Variants in TEX14 observed in about 807,000 individuals in gnomAD.
TEX14 encodes the protein testis expressed 14, intercellular bridge forming factor.
A neutral mutation model predicts 178.6 loss-of-function variants in TEX14; 168 were observed. The observed-to-expected ratio is 0.94, with a 90% confidence interval of 0.83 to 1.07. The LOEUF (loss-of-function observed/expected upper bound fraction) is 1.07, where lower values mean the gene tolerates loss of function less well. Ranked by LOEUF, TEX14 falls within the 50% of genes least tolerant of loss-of-function variation. The probability of loss-of-function intolerance (pLI) is 0.00; values close to 1 mark genes in which losing one functional copy is unlikely to be tolerated. For missense variants in TEX14, 1,730 were observed against 1,753.6 expected (o/e 0.99, Z 0.24); for synonymous variants, 626 against 634.1 (o/e 0.99, Z 0.19).
intron 10 of TEX14, among the ~76,000 whole-genome samples, chr17:58,610,567 G>A (rs1204273499): frequency 6.6e-6 from 1 of 152,196 alleles, no homozygotes; most frequent in Non-Finnish European, 1.5e-5. Flanking sequence ...CAATGTGAGC[G>A]AGAAATACAC....
intron 1 of TEX14, among the ~76,000 whole-genome samples, chr17:58,654,937 C>T (rs2082070740): frequency 6.6e-6 from 1 of 152,134 alleles, no homozygotes; most frequent in Non-Finnish European, 1.5e-5. Context: ...AGGCGTGAGT[C>T]ACCGCGCCTG....
At chr17:58,691,444 G>A (rs1159611324) in intron 1 of TEX14, among the ~76,000 whole-genome samples, 1 of 151,748 alleles carries the variant, frequency 6.6e-6, no homozygotes, top group Non-Finnish European at 1.5e-5. Flanking sequence ...CGAGGCAGGC[G>A]GATCACGAGG....
chr17:58,605,802 C>T (rs1011285576), intron 10 of TEX14, among the ~76,000 whole-genome samples: 7 of 152,142 alleles, frequency 4.6e-5, no homozygotes, highest in Non-Finnish European at 1.0e-4. Flanking sequence ...CTAAAGTAGT[C>T]CTGTTTTATT....
intron 1 of TEX14, among the ~76,000 whole-genome samples, chr17:58,672,552 G>C (rs1054160899): frequency 2.0e-5 from 3 of 152,158 alleles, no homozygotes; most frequent in African/African-American, 7.2e-5. Flanking sequence ...TCTTGCCTCA[G>C]CCTCCCGAGT....
intron 14 of TEX14, among the ~76,000 whole-genome samples, chr17:58,597,084 T>C (rs1459049582): frequency 6.6e-6 from 1 of 152,132 alleles, no homozygotes; most frequent in African/African-American, 2.4e-5. Flanking sequence ...GGGAGAGCTA[T>C]CTTCCCTGTA....
chr17:58,574,270 A>T (rs759362457), intron 21 of TEX14, 21 bp from the exon 22 acceptor site: 1 of 1,580,294 alleles, frequency 6.3e-7, no homozygotes, highest in Non-Finnish European at 8.7e-7. Flanking sequence ...GAAAGTAAGA[A>T]AATTACATAA....
chr17:58,691,533 G>T (rs995215117), intron 1 of TEX14, among the ~76,000 whole-genome samples: 1 of 151,958 alleles, frequency 6.6e-6, no homozygotes, highest in Non-Finnish European at 1.5e-5. Flanking sequence ...CGGGCATGGT[G>T]GCGTGCGCCT....
At chr17:58,624,127 C>CA (rs1052778271) in intron 3 of TEX14, among the ~76,000 whole-genome samples, 1 of 151,652 alleles carries the variant, frequency 6.6e-6, no homozygotes, top group Admixed American at 6.6e-5. Context: ...ACTAAAAATA[C>CA]AAAAAAATTA....
rs752886851 is a variant in TEX14 at position 58,646,908 on chromosome 17, CT to C, written c.136+4957del. On this transcript the variant is annotated intron_variant, in intron 2 of 31. Coordinates refer to ENST00000349033, the MANE Select transcript of TEX14 (RefSeq NM_031272.5). ...AGACAACTTTCCCCTCAAGCACACT[CT>C]TTTTTTTTTTTTTTAGACAGAGTTT... Among the ~76,000 whole-genome samples, 1,332 of 141,226 alleles carry C rather than the reference CT, an allele frequency of 9.4e-3. 4 individuals are homozygous for C. Among genetic ancestry groups the C allele is most frequent in the African/African-American group, 0.021 (807 of 38,760 alleles). The allele number at this position is 141,226 out of a possible 152,430, so 92.6% of individuals were successfully genotyped here.
chr17:58,583,128 G>A (rs1013494125), intron 19 of TEX14, among the ~76,000 whole-genome samples: 18 of 151,368 alleles, frequency 1.2e-4, no homozygotes, highest in African/African-American at 4.4e-4. Flanking sequence ...ACACTATCAT[G>A]CCTGACTAAT....
intron 24 of TEX14, among the ~76,000 whole-genome samples, chr17:58,571,213 A>T (rs2044515654): frequency 6.6e-6 from 1 of 150,772 alleles, no homozygotes; most frequent in African/African-American, 2.4e-5. Flanking sequence ...ATTTTTCATA[A>T]AGGAACTTGT....
intron 9 of TEX14, 137 bp downstream of exon 9, chr17:58,613,284 G>T: frequency 9.7e-7 from 1 of 1,027,636 alleles, no homozygotes; most frequent in Non-Finnish European, 1.5e-6. Flanking sequence ...ATGTTATACA[G>T]CCCCTATAAA....
chr17:58,583,056 G>C (rs2044863096), intron 19 of TEX14, among the ~76,000 whole-genome samples: 1 of 148,650 alleles, frequency 6.7e-6, no homozygotes, highest in Admixed American at 6.8e-5. Flanking sequence ...CTGCAGCCTT[G>C]AACTGCTGGG....
chr17:58,683,597 T>C (rs915918384), intron 1 of TEX14, among the ~76,000 whole-genome samples: 2 of 148,172 alleles, frequency 1.3e-5, no homozygotes, highest in Non-Finnish European at 3.0e-5. Context: ...AACCTGTCTC[T>C]ACTAAAAATA....
intron 6 of TEX14, 67 bp downstream of exon 6, chr17:58,617,471 G>A: frequency 1.7e-6 from 2 of 1,166,888 alleles, no homozygotes. Context: ...GGACAAAGGT[G>A]GGAGATGGGG....
At chr17:58,596,791 A>G (rs2045295453) in intron 14 of TEX14, among the ~76,000 whole-genome samples, 1 of 152,002 alleles carries the variant, frequency 6.6e-6, no homozygotes. Context: ...ACAATTCACA[A>G]AATTAGCCAG....
chr17:58,587,638 T>C lies in TEX14; in HGVS notation c.2731A>G (p.Ile911Val). The C allele has an allele frequency of 6.2e-7, 1 of 1,607,072 alleles. No homozygotes were observed. The highest frequency in any genetic ancestry group is 1.3e-5 in the African/African-American group (1 of 74,634). Residue 911 changes from isoleucine (I) to valine (V), a missense_variant, in exon 17 of 32, where the codon ATC (isoleucine) becomes GTC (valine). By Grantham distance (29) the Ile-to-Val change is conservative. Coordinates refer to ENST00000349033, the MANE Select transcript of TEX14 (RefSeq NM_031272.5). ...TTATTTCTGGACTCTGCATTATAGA[T>C]TTCAGAAGAAACAGGTTCCACACTC... ...RMSVEPVSSE[I>V]YNAESRNKDD...
In TEX14 at chr17:58,573,308, T is replaced by C; in HGVS notation, c.3384A>G (p.Ile1128Met). 2.5e-6 allele frequency: 4 copies of C among 1,613,382 alleles called. No homozygotes were observed. Among genetic ancestry groups the C allele is most frequent in the Non-Finnish European group, 3.4e-6 (4 of 1,179,428 alleles). Residue 1128 changes from isoleucine (I) to methionine (M), a missense_variant and splice_region_variant, in exon 23 of 32, where the codon ATA (isoleucine) becomes ATG (methionine). By Grantham distance (10) the Ile-to-Met change is conservative. This residue lies in a region of TEX14 where 941 missense variants were observed against 1,072.4 expected (regional missense o/e 0.88). Coordinates refer to ENST00000349033, the MANE Select transcript of TEX14 (RefSeq NM_031272.5). ...ACAGGTCTTGAATATCCGTCAATGA[T>C]CTAAAGAATTAAGAGCACACAGTAA... Reference protein sequence around the residue: ...ESPKELKEKDISLTDIQDLSS... With the variant: ...ESPKELKEKDMSLTDIQDLSS...
intron 2 of TEX14, among the ~76,000 whole-genome samples, chr17:58,649,919 T>A (rs2046803385): frequency 6.6e-6 from 1 of 151,990 alleles, no homozygotes; most frequent in Non-Finnish European, 1.5e-5. Flanking sequence ...TTTGTATTTT[T>A]AGTAGAAATG....
Sources: allele counts gnomAD v4.1 joint callset (sites outside exome capture counted in the v4.1 genomes callset), GRCh38; gene constraint gnomAD v4.1.1; regional missense constraint gnomAD v4.1.1; transcripts MANE v1.5; gene names NCBI Gene and HGNC (gene_info 2026-07-23, HGNC 2026-07-21).